The following TMPRSS11E variants were observed in gnomAD, a reference collection of about 807,000 sequenced individuals.
TMPRSS11E encodes transmembrane serine protease 11E.
TMPRSS11E carries 38 observed loss-of-function variants against 48.1 expected under a neutral mutation model. That is an observed-to-expected ratio of 0.79 (90% CI 0.61 to 1.04). The LOEUF (loss-of-function observed/expected upper bound fraction) is 1.04, where lower values mean the gene tolerates loss of function less well. TMPRSS11E is among the 50% of genes least tolerant of loss of function. The pLI, the probability that TMPRSS11E is intolerant of heterozygous loss-of-function variation, is 0.00. For synonymous variants in TMPRSS11E, 158 were observed against 171.9 expected (o/e 0.92, Z 0.63); for missense variants, 530 against 510.8 (o/e 1.04, Z -0.36).
At chr4:68,469,911 T>C (rs888246871) in intron 4 of TMPRSS11E, among the ~76,000 whole-genome samples, 2 of 151,992 alleles carry the variant, frequency 1.3e-5, no homozygotes, top group African/African-American at 4.8e-5. Flanking sequence ...ACTTTATGAA[T>C]AACTAAGTTC....
chr4:68,449,129 T>TTTTG (rs1728426182), intron 1 of TMPRSS11E, among the ~76,000 whole-genome samples: 1 of 150,854 alleles, frequency 6.6e-6, no homozygotes, highest in Non-Finnish European at 1.5e-5. Flanking sequence ...AGTTTTTTTT[T>TTTTG]TTTTTTTTTA....
intron 9 of TMPRSS11E, 84 bp from the exon 10 acceptor site, chr4:68,496,559 C>T: frequency 2.2e-6 from 3 of 1,364,440 alleles, no homozygotes; most frequent in Admixed American, 4.6e-5. Flanking sequence ...TTACCCCTTT[C>T]ATTACATTCT....
At chr4:68,455,579 G>A (rs1351519455) in intron 1 of TMPRSS11E, among the ~76,000 whole-genome samples, 2 of 151,888 alleles carry the variant, frequency 1.3e-5, no homozygotes, top group Non-Finnish European at 2.9e-5. Flanking sequence ...GATTTGGTAG[G>A]AAGACAGCTA....
rs751568661 is a variant in TMPRSS11E, at chr4:68,476,437, A to G, written c.706A>G (p.Thr236Ala). The change falls in exon 7 of 10, where the codon ACA becomes GCA. Residue 236 changes from threonine to alanine, a missense_variant and splice_region_variant. Coordinates refer to ENST00000305363, the MANE Select transcript of TMPRSS11E (RefSeq NM_014058.4). ...WLVSAAHCFTTYKNPARWTAS... is the reference protein window; with the variant it reads ...WLVSAAHCFTAYKNPARWTAS... ...TGTGAGTGCTGCTCACTGTTTTACA[A>G]CGTAAGTCTTGAAGCTTGAGAATGA... 6.2e-7 allele frequency: 1 copy of G among 1,606,454 alleles called. No individual in the cohort carries two copies. Among genetic ancestry groups the G allele is most frequent in the South Asian group, 1.1e-5 (1 of 90,172 alleles).
intron 1 of TMPRSS11E, among the ~76,000 whole-genome samples, chr4:68,461,109 C>T (rs2109672559): frequency 6.6e-6 from 1 of 152,132 alleles, no homozygotes; most frequent in South Asian, 2.1e-4. Context: ...TCTTGATCTC[C>T]CGACCTCATG....
chr4:68,495,362 T>G (rs1161085718), intron 9 of TMPRSS11E, among the ~76,000 whole-genome samples: 1 of 152,132 alleles, frequency 6.6e-6, no homozygotes. Flanking sequence ...TGTTTTCTCT[T>G]GTATCTTCTA....
intron 1 of TMPRSS11E, among the ~76,000 whole-genome samples, chr4:68,450,207 T>C (rs563276110): frequency 1.3e-5 from 2 of 152,044 alleles, no homozygotes; most frequent in East Asian, 3.9e-4. Context: ...CTGATCCATA[T>C]AACAACTTTT....
chr4:68,447,591 C>A, intron 1 of TMPRSS11E, 68 bp downstream of exon 1: 1 of 1,319,726 alleles, frequency 7.6e-7, no homozygotes, highest in Non-Finnish European at 1.1e-6. Context: ...GTATGAGCCA[C>A]ACCAAGGAAT....
chr4:68,458,594 T>C (rs1197934768), intron 1 of TMPRSS11E, among the ~76,000 whole-genome samples: 2 of 152,192 alleles, frequency 1.3e-5, no homozygotes, highest in Non-Finnish European at 2.9e-5. Context: ...AAACGTCTGT[T>C]GATATGTAAA....
intron 5 of TMPRSS11E, 40 bp from the exon 6 acceptor site, chr4:68,474,683 C>G: frequency 6.3e-7 from 1 of 1,596,586 alleles, no homozygotes; most frequent in Non-Finnish European, 8.5e-7. Flanking sequence ...TAGTGTAACT[C>G]TGATGTGCTG....
rs1288155531 is a variant in TMPRSS11E at position 68,477,543 on chromosome 4, T to C, written c.882T>C (p.His294=). ...CTGTTCCCTACACAAATGCAGTACA[T>C]AGAGTTTGTCTCCCTGATGCATCCT... ...SSPVPYTNAV[H]RVCLPDASYE... is the part of the protein sequence containing the mutation. The change falls in exon 8 of 10, where the codon CAT becomes CAC. Residue 294 remains histidine (H), a synonymous_variant. Coordinates refer to ENST00000305363, the MANE Select transcript of TMPRSS11E (RefSeq NM_014058.4). The C allele has an allele frequency of 6.2e-7, 1 of 1,614,134 alleles. No homozygotes were observed. The highest frequency in any genetic ancestry group is 1.1e-5 in the South Asian group (1 of 91,080).
chr4:68,495,744 C>T lies in TMPRSS11E; in HGVS notation c.1111-899C>T, dbSNP rs552709406. On this transcript the variant is annotated intron_variant, in intron 9 of 9. Transcript: ENST00000305363. ...ATTCGGGGTCTGCCACTGATTAGCACGTGATCTCAGGCAAATTACTTAATG... is the reference window on the plus strand; with the variant it reads ...ATTCGGGGTCTGCCACTGATTAGCATGTGATCTCAGGCAAATTACTTAATG... 3.9e-5 allele frequency among the ~76,000 whole-genome samples: 6 copies of T among 152,224 alleles called. No homozygotes were observed. In the South Asian group the frequency reaches 1.0e-3, roughly 26 times the overall value.
At chr4:68,477,813 G>A (rs569944965) in intron 8 of TMPRSS11E, among the ~76,000 whole-genome samples, 185 bp downstream of exon 8, 154 of 152,196 alleles carry the variant, frequency 1.0e-3, no homozygotes, top group Non-Finnish European at 1.4e-3. Context: ...AGTTAATATC[G>A]AGTAAATTGC....
Position 68,471,607 on chromosome 4 carries a change from C to G in TMPRSS11E, c.474C>G (p.His158Gln), listed in dbSNP as rs2603188. 209,809 of 1,585,812 alleles carry G rather than the reference C, an allele frequency of 0.13. 14,975 individuals are homozygous for G. The highest frequency in any genetic ancestry group is 0.15 in the Middle Eastern group (865 of 5,928). Residue 158 changes from histidine (H) to glutamine (Q), a missense_variant, in exon 5 of 10, where the codon CAC becomes CAG. By Grantham distance (24) the His-to-Gln change is conservative (BLOSUM62 0). Coordinates refer to ENST00000305363, the MANE Select transcript of TMPRSS11E (RefSeq NM_014058.4). Reference sequence around the variant, plus strand: ...TAGGACCCCCTAAAGTAGATCCTCACTCAGTTAAAATTAAAAGTAAGTTAA... The same window carrying G: ...TAGGACCCCCTAAAGTAGATCCTCAGTCAGTTAAAATTAAAAGTAAGTTAA... ...DAVGPPKVDP[H>Q]SVKIKKINKT...
At chr4:68,495,071 A>T (rs1729829551) in intron 9 of TMPRSS11E, among the ~76,000 whole-genome samples, 1 of 152,074 alleles carries the variant, frequency 6.6e-6, no homozygotes, top group Non-Finnish European at 1.5e-5. Context: ...CCCTTGCCTA[A>T]AAAAAAGCAT....
intron 5 of TMPRSS11E, among the ~76,000 whole-genome samples, chr4:68,473,300 T>C (rs71193518): frequency 0.054 from 8,144 of 152,162 alleles, 279 homozygotes; most frequent in South Asian, 0.079. Flanking sequence ...TTTATTAGAA[T>C]GCTATTGTCT....
At chr4:68,453,284 T>A (rs1319400947) in intron 1 of TMPRSS11E, among the ~76,000 whole-genome samples, 1 of 151,950 alleles carries the variant, frequency 6.6e-6, no homozygotes, top group Non-Finnish European at 1.5e-5. Context: ...GTCTTATCAT[T>A]ATCTCCATTT....
intron 9 of TMPRSS11E, among the ~76,000 whole-genome samples, chr4:68,495,030 A>C (rs1379830244): frequency 1.3e-5 from 2 of 152,126 alleles, no homozygotes; most frequent in Admixed American, 6.6e-5. Context: ...TTTCTTCTGA[A>C]GTTTATAATT....
intron 8 of TMPRSS11E, among the ~76,000 whole-genome samples, chr4:68,478,149 C>CTTT (rs141071822): frequency 0.016 from 2,148 of 134,198 alleles, 86 homozygotes; most frequent in African/African-American, 0.049. Context: ...GTATCACTAT[C>CTTT]TTTTTTTTTT....
Sources: gnomAD v4.1 joint callset for allele counts (sites outside exome capture counted in the v4.1 genomes callset) on GRCh38, gnomAD v4.1.1 for gene constraint, MANE v1.5 for transcripts, NCBI Gene and HGNC (gene_info 2026-07-23, HGNC 2026-07-21) for gene names.